The following IGF2BP3 variants were observed in gnomAD, a reference collection of about 807,000 sequenced individuals.
The protein encoded by IGF2BP3 is insulin like growth factor 2 mRNA binding protein 3.
In IGF2BP3, 9 loss-of-function variants were observed where a neutral mutation model predicts 73.8. That is an observed-to-expected ratio of 0.12 (90% CI 0.07 to 0.21). The LOEUF (loss-of-function observed/expected upper bound fraction) is 0.21. Ranked by LOEUF, IGF2BP3 falls within the 10% of genes least tolerant of loss-of-function variation. IGF2BP3 has a pLI of 1.00. For missense variants in IGF2BP3, 542 were observed against 714.0 expected (o/e 0.76, Z 2.75); for synonymous variants, 258 against 256.7 (o/e 1.01, Z -0.05).
chr7:23,396,716 G>C (rs571993985), intron 3 of IGF2BP3, among the ~76,000 whole-genome samples: 1 of 152,076 alleles, frequency 6.6e-6, no homozygotes, highest in Non-Finnish European at 1.5e-5. Context: ...AAAAAAAAGA[G>C]CAAATGGATT....
chr7:23,431,138 A>G (rs1787664590), intron 2 of IGF2BP3: 1 of 152,364 alleles, frequency 6.6e-6, no homozygotes, highest in East Asian at 1.9e-4. Flanking sequence ...CATTAACAGA[A>G]GTAAGGAAGA....
chr7:23,438,688 G>T (rs147421633), intron 2 of IGF2BP3, among the ~76,000 whole-genome samples: 189 of 152,256 alleles, frequency 1.2e-3, no homozygotes, highest in African/African-American at 4.3e-3. Flanking sequence ...TGGTTGTTAG[G>T]CTGATAAAAT....
intron 3 of IGF2BP3, among the ~76,000 whole-genome samples, chr7:23,375,209 G>A (rs1401801081): frequency 6.6e-6 from 1 of 152,114 alleles, no homozygotes; most frequent in Non-Finnish European, 1.5e-5. Context: ...ACTTGCTTAA[G>A]TATGACATTC....
At chr7:23,322,859 G>A (rs553107223) in intron 10 of IGF2BP3, among the ~76,000 whole-genome samples, 7 of 152,150 alleles carry the variant, frequency 4.6e-5, no homozygotes, top group Admixed American at 1.3e-4. Flanking sequence ...TCCTTTACAG[G>A]CAAGCAAATG....
chr7:23,323,565 C>G (rs1296197962), intron 10 of IGF2BP3, among the ~76,000 whole-genome samples: 1 of 148,898 alleles, frequency 6.7e-6, no homozygotes, highest in African/African-American at 2.6e-5. Flanking sequence ...CTGCACCAAG[C>G]AGACCTAATA....
chr7:23,358,992 T>C (rs1427168376), intron 5 of IGF2BP3, among the ~76,000 whole-genome samples: 1 of 152,226 alleles, frequency 6.6e-6, no homozygotes, highest in African/African-American at 2.4e-5. Context: ...TGACTGAATA[T>C]TAGAACAAAG....
chr7:23,333,263 G>A (rs569275415), intron 10 of IGF2BP3, among the ~76,000 whole-genome samples: 1 of 152,190 alleles, frequency 6.6e-6, no homozygotes, highest in Non-Finnish European at 1.5e-5. Context: ...CCATGACTAT[G>A]AGAGAAAAAC....
intron 5 of IGF2BP3, among the ~76,000 whole-genome samples, chr7:23,356,558 G>C (rs966328550): frequency 6.6e-6 from 1 of 152,150 alleles, no homozygotes; most frequent in Non-Finnish European, 1.5e-5. Context: ...ATGAGAACCT[G>C]TCTCAAAAAA....
chr7:23,418,701 A>G, intron 3 of IGF2BP3, 75 bp downstream of exon 3: 2 of 941,500 alleles, frequency 2.1e-6, no homozygotes, highest in Non-Finnish European at 3.3e-6. Context: ...TGAGGAAAGG[A>G]GAAAAAGCTT....
At chr7:23,440,200 T>G (rs971762986) in intron 2 of IGF2BP3, among the ~76,000 whole-genome samples, 1 of 151,772 alleles carries the variant, frequency 6.6e-6, no homozygotes, top group African/African-American at 2.4e-5. Context: ...GAGGCAGAGG[T>G]TGCAGTGAGC....
rs772541065 is a variant in IGF2BP3 at position 23,361,568 on chromosome 7, T to G, written c.367A>C (p.Asn123His). 6.2e-7 allele frequency: 1 copy of G among 1,613,176 alleles called. No individual in the cohort carries two copies. The highest frequency in any genetic ancestry group is 8.5e-7 in the Non-Finnish European group (1 of 1,179,746). Residue 123 changes from asparagine (N) to histidine (H), a missense_variant, in exon 5 of 15, where the codon AAT becomes CAT. Physicochemically the swap from Asn to His is moderately conservative, Grantham distance 68. Coordinates refer to ENST00000258729, the MANE Select transcript of IGF2BP3 (RefSeq NM_006547.3). ...VNTDSETAVV[N>H]VTYSSKDQAR... is the part of the protein sequence containing the mutation. The stretch of plus-strand genomic sequence containing the variant: ...TGGTCCTTACTGGAATAGGTTACAT[T>G]TACAACTGCAGTTTCCGAGTCAGTG...
At chr7:23,444,933 G>A (rs1788024937) in intron 2 of IGF2BP3, among the ~76,000 whole-genome samples, 1 of 151,968 alleles carries the variant, frequency 6.6e-6, no homozygotes, top group African/African-American at 2.4e-5. Flanking sequence ...CATTAATCAG[G>A]TGTGGTCTCA....
chr7:23,350,473 G>A (rs757642879), intron 6 of IGF2BP3, among the ~76,000 whole-genome samples: 10 of 152,162 alleles, frequency 6.6e-5, no homozygotes, highest in Non-Finnish European at 1.2e-4. Context: ...GCTAGGTATG[G>A]GGGGAAGAGT....
In IGF2BP3 at chr7:23,470,137, AT is replaced by A. The variant is rs567218095; in HGVS notation, c.-28del. ...GTGAAGAGTGGTTGTTTAAAAAAAA[AT>A]AACGAGAAAAAACGAAAAATTAAAA... On this transcript the variant is annotated 5_prime_UTR_variant, in exon 1 of 15. Coordinates refer to ENST00000258729, the MANE Select transcript of IGF2BP3 (RefSeq NM_006547.3). The A allele has an allele frequency of 7.6e-4, 1,182 of 1,562,928 alleles. 4 individuals are homozygous for A. In the African/African-American group the frequency reaches 0.015, roughly 19 times the overall value.
At chr7:23,336,608 G>A (rs1329223997) in intron 10 of IGF2BP3, among the ~76,000 whole-genome samples, 5 of 151,662 alleles carry the variant, frequency 3.3e-5, no homozygotes, top group African/African-American at 7.3e-5. Context: ...TCGGCTCATC[G>A]CAACGCCTGG....
At chr7:23,386,972 CAGG>C (rs201326982) in intron 3 of IGF2BP3, among the ~76,000 whole-genome samples, 4,787 of 151,314 alleles carry the variant, frequency 0.032, 246 homozygotes, top group African/African-American at 0.11. Flanking sequence ...GAGGCTGAGG[CAGG>C]AGAATTGCTT....
intron 2 of IGF2BP3, among the ~76,000 whole-genome samples, chr7:23,427,741 C>T (rs1409906542): frequency 2.0e-5 from 3 of 152,182 alleles, no homozygotes; most frequent in African/African-American, 4.8e-5. Flanking sequence ...GGCACAGTGG[C>T]TCACGCCTGT....
intron 3 of IGF2BP3, chr7:23,404,987 T>C (rs1786782975): frequency 6.6e-6 from 1 of 152,164 alleles, no homozygotes; most frequent in African/African-American, 2.4e-5. Context: ...GGTTTTTATA[T>C]ACTTAAATTT....
chr7:23,448,535 T>C (rs942781322), intron 2 of IGF2BP3, among the ~76,000 whole-genome samples: 1 of 152,122 alleles, frequency 6.6e-6, no homozygotes, highest in Non-Finnish European at 1.5e-5. Flanking sequence ...CCCAAGTAGC[T>C]GGGACTACAG....
Sources: gnomAD v4.1 joint callset for allele counts (sites outside exome capture counted in the v4.1 genomes callset) on GRCh38, gnomAD v4.1.1 for gene constraint, MANE v1.5 for transcripts, NCBI Gene and HGNC (gene_info 2026-07-23, HGNC 2026-07-21) for gene names.